The following CDH2 variants were observed in gnomAD, a reference collection of about 807,000 sequenced individuals.
CDH2 encodes cadherin-2.
A neutral mutation model predicts 92.0 loss-of-function variants in CDH2; 17 were observed. The observed-to-expected ratio is 0.18, with a 90% CI of 0.13 to 0.28. The LOEUF (loss-of-function observed/expected upper bound fraction) is 0.28. CDH2 is among the 10% of genes least tolerant of loss of function. The pLI, the probability that CDH2 is intolerant of heterozygous loss-of-function variation, is 1.00. For missense variants in CDH2, 862 were observed against 1,133.1 expected, an observed-to-expected ratio of 0.76 and a Z score of 3.44; for synonymous variants, 419 against 415.9, an observed-to-expected ratio of 1.01 and a Z score of -0.09.
At chr18:28,124,409 T>C (rs1056779604) in intron 2 of CDH2, among the ~76,000 whole-genome samples, 4 of 152,160 alleles carry the variant, frequency 2.6e-5, no homozygotes, top group African/African-American at 9.7e-5. Flanking sequence ...CACACCCCTT[T>C]ATCCTGGTTT....
chr18:28,010,603 T>C (rs1307374875), intron 4 of CDH2, among the ~76,000 whole-genome samples: 1 of 151,544 alleles, frequency 6.6e-6, no homozygotes, highest in Non-Finnish European at 1.5e-5. Flanking sequence ...GGGAGGCAGG[T>C]ACAGAGAAAA....
downstream of CDH2, among the ~76,000 whole-genome samples, chr18:27,947,499 T>C (rs886681771): frequency 6.6e-6 from 1 of 151,384 alleles, no homozygotes; most frequent in Non-Finnish European, 1.5e-5. Flanking sequence ...CAAGAGAAAA[T>C]GCGAAAAAAA....
intron 2 of CDH2, among the ~76,000 whole-genome samples, chr18:28,074,460 G>A (rs1332019154): frequency 1.3e-5 from 2 of 152,150 alleles, no homozygotes; most frequent in African/African-American, 4.8e-5. Flanking sequence ...TGGTCAGGCT[G>A]GTTTTCAACT....
At chr18:27,953,447 G>T (rs1243615955) in intron 15 of CDH2, among the ~76,000 whole-genome samples, 1 of 152,048 alleles carries the variant, frequency 6.6e-6, no homozygotes. Flanking sequence ...ACAATCGTTT[G>T]CTTTTTCCAC....
chr18:28,051,837 T>C (rs929534861), intron 2 of CDH2, among the ~76,000 whole-genome samples: 4 of 152,156 alleles, frequency 2.6e-5, no homozygotes, highest in African/African-American at 9.6e-5. Flanking sequence ...AATTATGTCA[T>C]AGCACTAATT....
At chr18:27,984,645 C>T (rs965843436) in intron 13 of CDH2, among the ~76,000 whole-genome samples, 10 of 152,154 alleles carry the variant, frequency 6.6e-5, no homozygotes, top group Admixed American at 6.5e-4. Context: ...TCATCAACTA[C>T]GTGCCATAAA....
chr18:27,967,827 A>G (rs888316392), intron 14 of CDH2, among the ~76,000 whole-genome samples: 4 of 152,220 alleles, frequency 2.6e-5, no homozygotes, highest in African/African-American at 9.6e-5. Context: ...ACTTGCAATG[A>G]TTTATAATTA....
intron 2 of CDH2, among the ~76,000 whole-genome samples, chr18:28,021,107 G>T (rs1186268025): frequency 6.6e-6 from 1 of 151,848 alleles, no homozygotes; most frequent in Admixed American, 6.6e-5. Context: ...ATTGCCTCAA[G>T]CTGGTATTAG....
intron 1 of CDH2, among the ~76,000 whole-genome samples, chr18:28,156,284 G>A (rs1276076502): frequency 6.6e-6 from 1 of 152,190 alleles, no homozygotes; most frequent in Non-Finnish European, 1.5e-5. Flanking sequence ...TGCTGGCACA[G>A]GAACCTGCAA....
intron 2 of CDH2, among the ~76,000 whole-genome samples, chr18:28,119,096 G>A (rs1236172): frequency 0.31 from 46,722 of 151,898 alleles, 7,763 homozygotes; most frequent in African/African-American, 0.41. Context: ...CCCCACAGCA[G>A]CAACCAAGTC....
At chr18:28,152,925 A>G (rs2016147755) in intron 1 of CDH2, among the ~76,000 whole-genome samples, 1 of 151,994 alleles carries the variant, frequency 6.6e-6, no homozygotes, top group Admixed American at 6.6e-5. Context: ...TGAGGCAGGG[A>G]CTCACTGGGG....
chr18:28,043,495 A>ATATATATATATATAT (rs1567976503), intron 2 of CDH2, among the ~76,000 whole-genome samples: 13 of 87,366 alleles, frequency 1.5e-4, no homozygotes, highest in Non-Finnish European at 2.5e-4. Flanking sequence ...TATATATATA[A>ATATATATATATATAT]ATATATATAT....
chr18:28,151,073 C>G (rs1022003552), intron 1 of CDH2, among the ~76,000 whole-genome samples: 1 of 152,212 alleles, frequency 6.6e-6, no homozygotes, highest in Non-Finnish European at 1.5e-5. Context: ...TCCCTGCAAC[C>G]CTACAAGGCT....
intron 2 of CDH2, among the ~76,000 whole-genome samples, chr18:28,136,244 G>C (rs1568012439): frequency 6.6e-6 from 1 of 152,130 alleles, no homozygotes; most frequent in East Asian, 1.9e-4. Context: ...ATCAAAGGCA[G>C]TATTATCAGG....
chr18:28,131,683 G>GGTGTGTGTGTGTGTGTGTGT (rs33990872), intron 2 of CDH2, among the ~76,000 whole-genome samples: 1 of 150,196 alleles, frequency 6.7e-6, no homozygotes, highest in African/African-American at 2.4e-5. Flanking sequence ...AAGCATTTGT[G>GGTGTGTGTGTGTGTGTGTGT]GTGTGTGTGT....
At chr18:28,111,688 G>A (rs949239173) in intron 2 of CDH2, among the ~76,000 whole-genome samples, 2 of 152,042 alleles carry the variant, frequency 1.3e-5, no homozygotes, top group Admixed American at 6.6e-5. Context: ...CAAATTTTGC[G>A]TTAACCCATG....
downstream of CDH2, among the ~76,000 whole-genome samples, chr18:27,946,678 C>T (rs1243884454): frequency 6.6e-6 from 1 of 151,828 alleles, no homozygotes; most frequent in African/African-American, 2.4e-5. Flanking sequence ...CTAAGACTAA[C>T]GTTGAGCAAA....
At chr18:27,939,222 T>A (rs1191770134) in intron 6 of CDH2, among the ~76,000 whole-genome samples, 1 of 152,194 alleles carries the variant, frequency 6.6e-6, no homozygotes, top group Non-Finnish European at 1.5e-5. Flanking sequence ...ATAGATGAAC[T>A]AATCACTGTG....
intron 2 of CDH2, among the ~76,000 whole-genome samples, chr18:28,122,933 G>C (rs1351103477): frequency 1.3e-5 from 2 of 152,044 alleles, no homozygotes. Context: ...TATCAAGATA[G>C]ATGTTTCTAG....
Sources: allele counts gnomAD v4.1 joint callset (sites outside exome capture counted in the v4.1 genomes callset), GRCh38; gene constraint gnomAD v4.1.1; transcripts MANE v1.5; gene names NCBI Gene and HGNC (gene_info 2026-07-23, HGNC 2026-07-21).